Variants in PRRC2C observed in about 807,000 individuals in gnomAD.
The protein encoded by PRRC2C is proline rich coiled-coil 2C, also known as protein PRRC2C.
Under a neutral mutation model 317.2 loss-of-function variants are expected in PRRC2C, and 72 were observed. That is an observed-to-expected ratio of 0.23 (90% CI 0.19 to 0.28). PRRC2C has a LOEUF of 0.28. Among genes scored for constraint, PRRC2C ranks in the 10% least tolerant of loss-of-function variants. The pLI, the probability that PRRC2C is intolerant of heterozygous loss-of-function variation, is 1.00. For synonymous variants in PRRC2C, 1,296 were observed against 1,205.9 expected (o/e 1.07, Z -1.55); for missense variants, 3,074 against 3,459.7 (o/e 0.89, Z 2.80).
Position 171,579,419 on chromosome 1 carries a change from C to T in PRRC2C, c.7225C>T (p.Pro2409Ser). ...CAATACCCAACATGCACGATTGGCTCCGCCATCCTTGGCTCAACAACAGGG... is the reference window on the plus strand; with the variant it reads ...CAATACCCAACATGCACGATTGGCTTCGCCATCCTTGGCTCAACAACAGGG... ...LFNTQHARLA[P>S]PSLAQQQGFQ... is the part of the protein sequence containing the mutation. The change falls in exon 27 of 35, where the codon CCG becomes TCG. Residue 2409 changes from proline (P) to serine (S), a missense_variant. Physicochemically the swap from Pro to Ser is moderately conservative, Grantham distance 74. Around this residue, in one of 11 missense-constraint regions of PRRC2C, gnomAD observed 490 missense variants for 663.1 expected, o/e 0.74. Transcript: ENST00000647382. 6.2e-6 allele frequency: 10 copies of T among 1,613,888 alleles called. No homozygotes were observed. Among genetic ancestry groups the T allele is most frequent in the Non-Finnish European group, 8.5e-6 (10 of 1,179,882 alleles).
chr1:171,509,985 G>A (rs1671012624), intron 1 of PRRC2C: 1 of 151,364 alleles, frequency 6.6e-6, no homozygotes, highest in African/African-American at 2.4e-5. Flanking sequence ...CCGAGTAGCT[G>A]GGATTACAGG....
chr1:171,573,591 A>G (rs374745139), intron 24 of PRRC2C, among the ~76,000 whole-genome samples: 10 of 151,788 alleles, frequency 6.6e-5, no homozygotes, highest in African/African-American at 2.4e-4. Flanking sequence ...AATGATAACA[A>G]TTAGTCTTAA....
chr1:171,538,546 T>C (rs574733579), intron 15 of PRRC2C, among the ~76,000 whole-genome samples: 49 of 151,152 alleles, frequency 3.2e-4, no homozygotes, highest in African/African-American at 1.2e-3. Context: ...GGTAATGTTT[T>C]ATAATGTTTT....
Position 171,566,323 on chromosome 1 carries a change from G to C in PRRC2C, c.6208G>C (p.Val2070Leu). The C allele has an allele frequency of 6.2e-7, 1 of 1,606,268 alleles. No homozygotes were observed. Among genetic ancestry groups the C allele is most frequent in the Non-Finnish European group, 8.5e-7 (1 of 1,176,198 alleles). ...APASNGNENEVVPVLSEKSAD... is the reference protein window; with the variant it reads ...APASNGNENELVPVLSEKSAD... ...AGCCTCAAATGGAAATGAAAATGAA[G>C]TTGTTCCTGTGCTTTCGGAAAAATC... The change falls in exon 21 of 35, where the codon GTT becomes CTT. Residue 2070 changes from valine (V) to leucine (L), a missense_variant. Around this residue, in one of 11 missense-constraint regions of PRRC2C, gnomAD observed 640 missense variants for 676.1 expected, o/e 0.95. Coordinates refer to ENST00000647382, the MANE Select transcript of PRRC2C (RefSeq NM_001387844.1).
At chr1:171,503,061 C>A (rs1168612649) in intron 1 of PRRC2C, among the ~76,000 whole-genome samples, 1 of 152,134 alleles carries the variant, frequency 6.6e-6, no homozygotes, top group Non-Finnish European at 1.5e-5. Context: ...TGTCCAATGG[C>A]AAAGGCATAT....
At chr1:171,550,298 C>A in intron 18 of PRRC2C, 58 bp downstream of exon 18, 1 of 1,435,700 alleles carries the variant, frequency 7.0e-7, no homozygotes, top group Non-Finnish European at 9.3e-7. Context: ...CAAAGTGTAT[C>A]AGCAAATGTT....
intron 1 of PRRC2C, among the ~76,000 whole-genome samples, chr1:171,491,938 A>G (rs898230490): frequency 6.6e-6 from 1 of 152,184 alleles, no homozygotes; most frequent in Non-Finnish European, 1.5e-5. Flanking sequence ...AATTAAAGCT[A>G]TATAAATTTT....
In PRRC2C at chr1:171,579,972, C is replaced by G. The variant is rs1361087836; in HGVS notation, c.7409+8C>G. 2.7e-6 allele frequency: 4 copies of G among 1,501,928 alleles called. No homozygotes were observed. Among genetic ancestry groups the G allele is most frequent in the Non-Finnish European group, 3.6e-6 (4 of 1,126,526 alleles). The allele number at this position is 1,501,928 out of a possible 1,614,324, so 93.0% of individuals were successfully genotyped here. ...CTCACTTCAACCATATAGGTAAATG[C>G]TTTAAAAGTTATGTTTGTAATGATG... is the stretch of plus-strand genomic sequence containing the variant. On this transcript the variant is annotated splice_region_variant and intron_variant, in intron 28 of 34. Coordinates refer to ENST00000647382, the MANE Select transcript of PRRC2C (RefSeq NM_001387844.1).
intron 29 of PRRC2C, 103 bp from the exon 30 acceptor site, chr1:171,584,315 TA>T: frequency 3.0e-6 from 4 of 1,349,664 alleles, no homozygotes; most frequent in East Asian, 4.7e-5. Flanking sequence ...TTCATTTATC[TA>T]ATACTAAAAA....
chr1:171,555,157 G>A (rs1040730972), intron 18 of PRRC2C, among the ~76,000 whole-genome samples: 10 of 152,042 alleles, frequency 6.6e-5, no homozygotes, highest in East Asian at 3.9e-4. Context: ...GGCTTTGTTC[G>A]TTTCTTTTTA....
chr1:171,495,851 G>T (rs2102072977), intron 1 of PRRC2C, among the ~76,000 whole-genome samples: 1 of 152,202 alleles, frequency 6.6e-6, no homozygotes. Flanking sequence ...AGACTGGATG[G>T]CTTAAAAAAC....
At chr1:171,524,224 G>C (rs1674138595) in intron 9 of PRRC2C, among the ~76,000 whole-genome samples, 1 of 152,058 alleles carries the variant, frequency 6.6e-6, no homozygotes, top group South Asian at 2.1e-4. Context: ...AACTGCATTA[G>C]GGCCTTGGAA....
chr1:171,589,679 T>A, intron 34 of PRRC2C, 74 bp downstream of exon 34: 1 of 1,026,084 alleles, frequency 9.7e-7, no homozygotes, highest in Non-Finnish European at 1.3e-6. Flanking sequence ...TCTGGACCCA[T>A]AACTGTATAT....
chr1:171,561,546 T>G (rs918086295), intron 20 of PRRC2C, among the ~76,000 whole-genome samples: 1 of 152,182 alleles, frequency 6.6e-6, no homozygotes, highest in Non-Finnish European at 1.5e-5. Context: ...TCATGACTTA[T>G]TAGGTCTGGG....
At chr1:171,517,837 G>A (rs983480522) in intron 6 of PRRC2C, 23 bp downstream of exon 6, 1 of 1,590,178 alleles carries the variant, frequency 6.3e-7, no homozygotes, top group African/African-American at 1.3e-5. Context: ...AAATGAACAA[G>A]CATTCAAACA....
At chr1:171,485,871 G>A (rs898523051) in intron 1 of PRRC2C, 136 bp downstream of exon 1, 1 of 152,274 alleles carries the variant, frequency 6.6e-6, no homozygotes, top group African/African-American at 2.4e-5. Context: ...AGGGCCTTGG[G>A]TCCGGGCATT....
At position 171,541,137 on chromosome 1, in the gene PRRC2C, G is replaced by C. The variant is rs1285107064; in HGVS notation, c.3671G>C (p.Arg1224Thr). ...CACACTCGAGATTATCCTCAGTATA[G>C]AGACAATAAGCCAAGAGCAGAGCAT... Reference protein sequence around the residue: ...RGHTRDYPQYRDNKPRAEHIP... With the variant: ...RGHTRDYPQYTDNKPRAEHIP... The change falls in exon 16 of 35, where the codon AGA (arginine) becomes ACA (threonine). Residue 1224 changes from arginine (R) to threonine (T), a missense_variant. Coordinates refer to ENST00000647382, the MANE Select transcript of PRRC2C (RefSeq NM_001387844.1). This position sits in a 1 kb window ranked among gnomAD's most constrained non-coding sequence, Gnocchi z 4.1. 2 of 1,613,672 alleles carry C rather than the reference G, an allele frequency of 1.2e-6. No homozygotes were observed. Among genetic ancestry groups the C allele is most frequent in the African/African-American group, 1.3e-5 (1 of 74,892 alleles).
At chr1:171,561,182 C>T (rs2102676467) in intron 20 of PRRC2C, 79 bp downstream of exon 20, 3 of 1,329,676 alleles carry the variant, frequency 2.3e-6, no homozygotes, top group East Asian at 2.3e-5. Context: ...GTGGCTTACA[C>T]CTGTAATCCT....
intron 24 of PRRC2C, 115 bp downstream of exon 24, chr1:171,571,536 C>A: frequency 1.3e-6 from 1 of 751,496 alleles, no homozygotes; most frequent in Non-Finnish European, 2.2e-6. Flanking sequence ...CAATACTAAG[C>A]TGAGGAAATA....
Sources: gnomAD v4.1 joint callset for allele counts (sites outside exome capture counted in the v4.1 genomes callset) on GRCh38, gnomAD v4.1.1 for gene constraint, gnomAD v4.1.1 regional missense constraint, Gnocchi (gnomAD v3.1) non-coding constraint, MANE v1.5 for transcripts, NCBI Gene and HGNC (gene_info 2026-07-23, HGNC 2026-07-21) for gene names.